The following NUMBL variants were observed in gnomAD, a reference collection of about 807,000 sequenced individuals.
The protein encoded by NUMBL is NUMB like endocytic adaptor protein.
A neutral mutation model predicts 48.9 loss-of-function variants in NUMBL; 20 were observed. The ratio of observed to expected loss-of-function variants is 0.41; its 90% CI spans 0.29 to 0.59. The LOEUF (loss-of-function observed/expected upper bound fraction) is 0.59, where lower values mean the gene tolerates loss of function less well. Among genes scored for constraint, NUMBL ranks in the 20% least tolerant of loss-of-function variants. The pLI, the probability that NUMBL is intolerant of heterozygous loss-of-function variation, is 0.31. For synonymous variants in NUMBL, 340 were observed against 348.7 expected (o/e 0.98, Z 0.28); for missense variants, 660 against 846.2 (o/e 0.78, Z 2.73).
intron 6 of NUMBL, among the ~76,000 whole-genome samples, chr19:40,679,442 G>A (rs1167935667): frequency 6.6e-6 from 1 of 152,162 alleles, no homozygotes; most frequent in African/African-American, 2.4e-5. Flanking sequence ...ACTTTGGGAG[G>A]CAGAGGCAGG....
intron 6 of NUMBL, among the ~76,000 whole-genome samples, chr19:40,678,781 A>T (rs1490222720): frequency 2.6e-5 from 4 of 152,334 alleles, no homozygotes; most frequent in African/African-American, 9.6e-5. Flanking sequence ...AAGTAGTCCA[A>T]TGCCTACAAA....
chr19:40,680,387 T>A (rs1202869168), intron 6 of NUMBL, among the ~76,000 whole-genome samples: 2 of 151,942 alleles, frequency 1.3e-5, no homozygotes, highest in African/African-American at 4.8e-5. Flanking sequence ...TGACCTCAGG[T>A]GATCTGCCTG....
At chr19:40,678,965 C>T (rs2081891799) in intron 6 of NUMBL, among the ~76,000 whole-genome samples, 2 of 151,818 alleles carry the variant, frequency 1.3e-5, no homozygotes, top group African/African-American at 2.4e-5. Context: ...GTGGCGTGCA[C>T]CTGTAATCCC....
chr19:40,684,543 G>GT lies in NUMBL; in HGVS notation c.122_123insA (p.Met42HisfsTer59). ...GCAGGCTCTGCCGTAACTTGTTCAT[G>GT]GTGCCCGCCCCGTCTGGTGACACAG... On this transcript the variant is annotated frameshift_variant, in exon 3 of 10. Transcript: ENST00000252891. LOFTEE classifies it high-confidence loss of function. The GT allele has an allele frequency of 6.2e-7, 1 of 1,609,842 alleles. No homozygotes were observed. The highest frequency in any genetic ancestry group is 8.5e-7 in the Non-Finnish European group (1 of 1,177,660).
rs893276011 is a variant in NUMBL at position 40,690,597 on chromosome 19, CCGGGGG to C, written c.-120_-115del. The C allele has an allele frequency of 1.8e-6, 1 of 561,674 alleles. No homozygotes were observed. The highest frequency in any genetic ancestry group is 2.6e-6 in the Non-Finnish European group (1 of 383,434). The allele number at this position is 561,674 out of a possible 1,614,324, so 34.8% of individuals were successfully genotyped here. A position where few individuals can be genotyped will look rare whatever the true frequency, so the allele number is the denominator to read the frequency against. ...GTCTGACGCCGGCCAGGGCCCGGGGCCGGGGGATGGTGCGGGATGCACGCGCGCGAG... is the reference window on the plus strand; with the variant it reads ...GTCTGACGCCGGCCAGGGCCCGGGGCATGGTGCGGGATGCACGCGCGCGAG... On this transcript the variant is annotated 5_prime_UTR_variant, in exon 1 of 10. It adds an upstream start codon to the 5' untranslated region. Transcript: ENST00000252891.
At chr19:40,674,347 G>A (rs1418545716) in intron 7 of NUMBL, among the ~76,000 whole-genome samples, 1 of 152,144 alleles carries the variant, frequency 6.6e-6, no homozygotes, top group African/African-American at 2.4e-5. Context: ...CCTCTGAGAA[G>A]CTTTCCAGAT....
At chr19:40,683,257 C>A (rs367736306) in intron 3 of NUMBL, among the ~76,000 whole-genome samples, 1 of 152,158 alleles carries the variant, frequency 6.6e-6, no homozygotes, top group Admixed American at 6.5e-5. Context: ...CATCTCTGTG[C>A]GTGAGGACTG....
chr19:40,669,887 C>A lies in NUMBL; in HGVS notation c.1159+11G>T. 1 of 1,611,724 alleles carries A rather than the reference C, an allele frequency of 6.2e-7. No individual in the cohort carries two copies. ...TGCAGGGTGTCTGCCCAGCAGAAAG[C>A]CTGGCTTTACCTGTTGTGGCAGGTG... On this transcript the variant is annotated intron_variant, in intron 9 of 9. Transcript: ENST00000252891.
At chr19:40,686,100 G>A (rs567887811) in intron 2 of NUMBL, 11 of 152,574 alleles carry the variant, frequency 7.2e-5, no homozygotes, top group Admixed American at 2.0e-4. Flanking sequence ...TGTGGCTGTC[G>A]TCTGTAGAAA....
intron 7 of NUMBL, among the ~76,000 whole-genome samples, chr19:40,676,666 T>A (rs947134557): frequency 1.4e-5 from 2 of 139,078 alleles, no homozygotes; most frequent in Non-Finnish European, 3.0e-5. Context: ...CACTCCAGCC[T>A]GGTTGACAGA....
intron 6 of NUMBL, among the ~76,000 whole-genome samples, chr19:40,679,423 A>C (rs922161931): frequency 6.6e-6 from 1 of 152,168 alleles, no homozygotes. Flanking sequence ...TCACACCTAT[A>C]ATCCCAGCAC....
At chr19:40,681,826 C>T (rs2081906786) in intron 5 of NUMBL, among the ~76,000 whole-genome samples, 1 of 152,028 alleles carries the variant, frequency 6.6e-6, no homozygotes, top group Non-Finnish European at 1.5e-5. Flanking sequence ...GCACGCACCA[C>T]CACGTCTGGC....
Position 40,669,763 on chromosome 19 carries a change from C to T in NUMBL, c.1159+135G>A, listed in dbSNP as rs2081836489. The T allele has an allele frequency of 7.9e-6, 9 of 1,135,292 alleles. No homozygotes were observed. The East Asian group carries it at 2.3e-4, about 29-fold the overall frequency. The allele number at this position is 1,135,292 out of a possible 1,614,324, so 70.3% of individuals were successfully genotyped here. A position where few individuals can be genotyped will look rare whatever the true frequency, so the allele number is the denominator to read the frequency against. On this transcript the variant is annotated intron_variant, in intron 9 of 9. Coordinates refer to ENST00000252891, the MANE Select transcript of NUMBL (RefSeq NM_004756.5). ...ATGATCCATGGTTGTAGGATGATCC[C>T]CTGGCTCTGAGGTGATCCATGGTTC...
At position 40,667,363 on chromosome 19, in the gene NUMBL, G is replaced by A; in HGVS notation, c.*105C>T. Reference sequence around the variant, plus strand: ...GTTGAGGGAGGGGGGTGTTGAGAGGGTGTTGAGGGGCGCAGCCCCAGGGAG... The same window carrying A: ...GTTGAGGGAGGGGGGTGTTGAGAGGATGTTGAGGGGCGCAGCCCCAGGGAG... On this transcript the variant is annotated 3_prime_UTR_variant, in exon 10 of 10. Transcript: ENST00000252891. This position sits in a 1 kb window ranked among gnomAD's most constrained non-coding sequence, Gnocchi z 6.1. The A allele has an allele frequency of 6.8e-7, 1 of 1,471,380 alleles. No individual in the cohort carries two copies. Among genetic ancestry groups the A allele is most frequent in the Non-Finnish European group, 9.1e-7 (1 of 1,103,270 alleles). 91.1% of individuals were successfully genotyped at this position (1,471,380 alleles called of 1,614,324 possible).
At chr19:40,672,815 C>T (rs2081855148) in intron 8 of NUMBL, among the ~76,000 whole-genome samples, 1 of 152,006 alleles carries the variant, frequency 6.6e-6, no homozygotes, top group Non-Finnish European at 1.5e-5. Flanking sequence ...TCTAATCCAT[C>T]ACAATCCTCC....
rs1179274259 is a variant in NUMBL at position 40,673,613 on chromosome 19, G to A, written c.767C>T (p.Pro256Leu). The change falls in exon 8 of 10, where the codon CCT (proline) becomes CTT (leucine). Residue 256 changes from proline to leucine, a missense_variant. Transcript: ENST00000252891. This position sits in a 1 kb window ranked among gnomAD's most constrained non-coding sequence, Gnocchi z 5.9. ...AAAAPTVAPGPAQPGHVSPTP... is the reference protein window; with the variant it reads ...AAAAPTVAPGLAQPGHVSPTP... ...CGGGGACACGTGCCCAGGCTGGGCA[G>A]GGCCAGGAGCCACAGTGGGGGCAGC... 6.6e-7 allele frequency: 1 copy of A among 1,513,654 alleles called. No homozygotes were observed. The allele number at this position is 1,513,654 out of a possible 1,614,324, so 93.8% of individuals were successfully genotyped here. A position where few individuals can be genotyped will look rare whatever the true frequency, so the allele number is the denominator to read the frequency against.
In NUMBL at chr19:40,690,489, G is replaced by T; in HGVS notation, c.-6C>A. On this transcript the variant is annotated 5_prime_UTR_variant, in exon 1 of 10. Transcript: ENST00000252891. ...GCCGCCGCGCTGCGGGACATCCAGG[G>T]CCCGGGCGCCCCCGCCTCCCGCGGC... 2.3e-6 allele frequency: 3 copies of T among 1,285,262 alleles called. No individual in the cohort carries two copies. The highest frequency in any genetic ancestry group is 3.0e-6 in the Non-Finnish European group (3 of 1,014,362). The allele number at this position is 1,285,262 out of a possible 1,614,324, so 79.6% of individuals were successfully genotyped here. A position where few individuals can be genotyped will look rare whatever the true frequency, so the allele number is the denominator to read the frequency against.
chr19:40,682,034 T>C lies in NUMBL; in HGVS notation c.399+694A>G, dbSNP rs1383341579. 6.6e-6 allele frequency among the ~76,000 whole-genome samples: 1 copy of C among 152,200 alleles called. No individual in the cohort carries two copies. The highest frequency in any genetic ancestry group is 1.5e-5 in the Non-Finnish European group (1 of 68,030). ...TGGAGCCTTGCTATGTTTCACAGGC[T>C]GATCTTGAACTCCTGGCTTCAAGGG... On this transcript the variant is annotated intron_variant, in intron 5 of 9. Coordinates refer to ENST00000252891, the MANE Select transcript of NUMBL (RefSeq NM_004756.5). This position sits in a 1 kb window ranked among gnomAD's most constrained non-coding sequence, Gnocchi z 4.0.
chr19:40,686,904 C>G lies in NUMBL; in HGVS notation c.109+7G>C. 6.5e-7 allele frequency: 1 copy of G among 1,532,446 alleles called. No homozygotes were observed. The highest frequency in any genetic ancestry group is 8.8e-7 in the Non-Finnish European group (1 of 1,130,052). 94.9% of individuals were successfully genotyped at this position (1,532,446 alleles called of 1,614,324 possible). On this transcript the variant is annotated splice_region_variant and intron_variant, in intron 2 of 9. Transcript: ENST00000252891. ...CAGCCCTGCCCTGTCCCAGGCTGGT[C>G]GCTCACCTGGCTCCGTCCTGCAGGT...
Sources: allele counts gnomAD v4.1 joint callset (sites outside exome capture counted in the v4.1 genomes callset), GRCh38; gene constraint gnomAD v4.1.1; non-coding constraint Gnocchi (gnomAD v3.1); transcripts MANE v1.5; gene names NCBI Gene and HGNC (gene_info 2026-07-23, HGNC 2026-07-21).